FARS2: variants seen among roughly 807,000 people sequenced by gnomAD.
FARS2 encodes the protein phenylalanine--tRNA ligase, mitochondrial.
Under a neutral mutation model 46.4 loss-of-function variants are expected in FARS2, and 40 were observed. The ratio of observed to expected loss-of-function variants is 0.86; its 90% CI spans 0.67 to 1.12. FARS2 has a LOEUF of 1.12. Among genes scored for constraint, FARS2 ranks in the 50% most tolerant of loss-of-function variants. The pLI is 0.00. For missense variants in FARS2, 513 were observed against 567.9 expected (o/e 0.90, Z 0.98); for synonymous variants, 234 against 214.9 (o/e 1.09, Z -0.78).
chr6:5,258,272 T>C (rs1316512877), upstream of FARS2, among the ~76,000 whole-genome samples: 1 of 152,230 alleles, frequency 6.6e-6, no homozygotes, highest in African/African-American at 2.4e-5. Flanking sequence ...CTACTCTAAT[T>C]ACTTAAGGCA....
chr6:5,261,106 C>T (rs532605876), upstream of FARS2: 4 of 271,812 alleles, frequency 1.5e-5, no homozygotes, highest in Non-Finnish European at 2.3e-5. Context: ...AAGCTCCTGG[C>T]GGACGGATAT....
chr6:5,297,744 C>T (rs1186446533), intron 1 of FARS2, among the ~76,000 whole-genome samples: 1 of 152,180 alleles, frequency 6.6e-6, no homozygotes, highest in African/African-American at 2.4e-5. Context: ...TTTTTCCTGC[C>T]TTTCCAAATT....
Position 5,601,524 on chromosome 6 carries a change from C to CAAA in FARS2, c.1066-11620_1066-11618dup, listed in dbSNP as rs70975920. ...GGGCAACGAGAGTGAAACTCCATCA[C>CAAA]AAAAAAAAAAAAAAAAAAAAAAAAA... On this transcript the variant is annotated intron_variant, in intron 5 of 6. Transcript: ENST00000274680. Among the ~76,000 whole-genome samples, 22 of 92,134 alleles carry CAAA rather than the reference C, an allele frequency of 2.4e-4. 1 individual carries two copies. The highest frequency in any genetic ancestry group is 1.0e-3 in the African/African-American group (20 of 20,098). 60.4% of individuals were successfully genotyped at this position (92,134 alleles called of 152,430 possible).
chr6:5,693,763 C>G (rs1284495555), intron 6 of FARS2, among the ~76,000 whole-genome samples: 1 of 152,200 alleles, frequency 6.6e-6, no homozygotes, highest in Non-Finnish European at 1.5e-5. Context: ...TGGACGCTGG[C>G]TGGCTGCTGG....
intron 4 of FARS2, among the ~76,000 whole-genome samples, chr6:5,510,116 TTTTGTTTG>T (rs957027363): frequency 1.3e-5 from 2 of 152,158 alleles, no homozygotes; most frequent in Non-Finnish European, 1.5e-5. Flanking sequence ...TGGAGGGGTT[TTTTGTTTG>T]TTTGTTTGGT....
chr6:5,607,423 A>G (rs1448367965), intron 5 of FARS2, among the ~76,000 whole-genome samples: 1 of 152,102 alleles, frequency 6.6e-6, no homozygotes, highest in East Asian at 1.9e-4. Context: ...AGGCACAGAA[A>G]AGGAGAAAAT....
At chr6:5,719,400 A>AAG (rs1306986661) in intron 6 of FARS2, among the ~76,000 whole-genome samples, 1 of 150,412 alleles carries the variant, frequency 6.6e-6, no homozygotes, top group Non-Finnish European at 1.5e-5. Context: ...AAAAATTAAA[A>AAG]AAAAAAAAAA....
chr6:5,276,650 G>A (rs1225712354), intron 1 of FARS2, among the ~76,000 whole-genome samples: 1 of 152,216 alleles, frequency 6.6e-6, no homozygotes, highest in Non-Finnish European at 1.5e-5. Context: ...CTGCCCAGAG[G>A]TGTGATTCTT....
At chr6:5,444,466 C>CAA (rs751990577) in intron 4 of FARS2, among the ~76,000 whole-genome samples, 22 of 91,462 alleles carry the variant, frequency 2.4e-4, no homozygotes, top group Admixed American at 4.5e-4. Context: ...GACTCTGTCT[C>CAA]AAAAAAAAAA....
intron 6 of FARS2, among the ~76,000 whole-genome samples, chr6:5,666,323 A>G (rs1778118404): frequency 6.6e-6 from 1 of 152,242 alleles, no homozygotes; most frequent in Admixed American, 6.5e-5. Flanking sequence ...TATGCTCAGT[A>G]AACACTTGCT....
intron 1 of FARS2, among the ~76,000 whole-genome samples, chr6:5,361,940 A>G (rs567520213): frequency 6.6e-5 from 10 of 152,346 alleles, no homozygotes; most frequent in African/African-American, 2.4e-4. Context: ...TATAAAACTC[A>G]TTCATTCTAA....
intron 4 of FARS2, among the ~76,000 whole-genome samples, chr6:5,532,777 TAATAATAAGAAG>T (rs1233022218): frequency 1.4e-5 from 2 of 143,370 alleles, no homozygotes; most frequent in African/African-American, 5.7e-5. Context: ...ATAATAATAA[TAATAATAAGAAG>T]AAGAAGAAGA....
intron 1 of FARS2, among the ~76,000 whole-genome samples, chr6:5,305,221 G>A (rs1768612303): frequency 6.6e-6 from 1 of 152,162 alleles, no homozygotes; most frequent in Non-Finnish European, 1.5e-5. Context: ...TATCCAGTTG[G>A]ATTATAAACA....
chr6:5,500,998 T>C (rs1022617162), intron 4 of FARS2, among the ~76,000 whole-genome samples: 15 of 150,898 alleles, frequency 9.9e-5, no homozygotes, highest in African/African-American at 3.2e-4. Context: ...GTTCTTGTTT[T>C]GGGAGATGGG....
intron 5 of FARS2, chr6:5,609,551 A>G (rs1311534348): frequency 7.0e-6 from 9 of 1,290,182 alleles, no homozygotes; most frequent in Non-Finnish European, 1.0e-5. Context: ...CAAAGTTGTC[A>G]TTCCCACTGA....
intron 4 of FARS2, among the ~76,000 whole-genome samples, chr6:5,451,405 G>A (rs2150266440): frequency 6.6e-6 from 1 of 152,232 alleles, no homozygotes; most frequent in Non-Finnish European, 1.5e-5. Context: ...CAGGAAACAT[G>A]TTCTGCTTAG....
chr6:5,702,586 A>G (rs369838111), intron 6 of FARS2, among the ~76,000 whole-genome samples: 49 of 152,268 alleles, frequency 3.2e-4, no homozygotes, highest in African/African-American at 1.2e-3. Context: ...GTCAGTTCTT[A>G]CTGTAAACTT....
At chr6:5,488,607 C>T (rs1164402669) in intron 4 of FARS2, among the ~76,000 whole-genome samples, 2 of 140,718 alleles carry the variant, frequency 1.4e-5, no homozygotes, top group African/African-American at 5.1e-5. Flanking sequence ...CTGTAGATCT[C>T]TTTTGTGAAA....
At chr6:5,562,561 G>GT (rs1772049116) in intron 5 of FARS2, among the ~76,000 whole-genome samples, 1 of 152,046 alleles carries the variant, frequency 6.6e-6, no homozygotes, top group African/African-American at 2.4e-5. Context: ...TATGGCATGT[G>GT]TCTGTGTTTG....
Sources: gnomAD v4.1 joint callset for allele counts (sites outside exome capture counted in the v4.1 genomes callset) on GRCh38, gnomAD v4.1.1 for gene constraint, MANE v1.5 for transcripts, NCBI Gene and HGNC (gene_info 2026-07-23, HGNC 2026-07-21) for gene names.